PPA1: variants seen among roughly 807,000 people sequenced by gnomAD.
The protein encoded by PPA1 is inorganic pyrophosphatase.
In PPA1, 23 loss-of-function variants were observed where a neutral mutation model predicts 41.8. The ratio of observed to expected loss-of-function variants is 0.55; its 90% CI spans 0.40 to 0.78. PPA1 has a LOEUF of 0.78. Ranked by LOEUF, PPA1 falls within the 30% of genes least tolerant of loss-of-function variation. The probability of loss-of-function intolerance (pLI) is 0.00; values close to 1 mark genes in which losing one functional copy is unlikely to be tolerated. For synonymous variants in PPA1, 101 were observed against 116.8 expected (o/e 0.86, Z 0.87); for missense variants, 320 against 361.6 (o/e 0.89, Z 0.93).
intron 6 of PPA1, among the ~76,000 whole-genome samples, chr10:70,212,975 GCA>G (rs1051938928): frequency 1.3e-5 from 2 of 152,106 alleles, no homozygotes; most frequent in African/African-American, 4.8e-5. Context: ...AAATCCATAG[GCA>G]CAAAGTAGAT....
chr10:70,210,875 C>T (rs1840010313), intron 6 of PPA1, among the ~76,000 whole-genome samples: 1 of 151,850 alleles, frequency 6.6e-6, no homozygotes, highest in African/African-American at 2.4e-5. Flanking sequence ...ACGCCATTCT[C>T]CTGCCTCAGC....
chr10:70,212,349 C>A (rs770153624), intron 6 of PPA1, among the ~76,000 whole-genome samples: 17 of 151,936 alleles, frequency 1.1e-4, no homozygotes, highest in Non-Finnish European at 1.8e-4. Context: ...ATGTATGTAC[C>A]CAATAATAAA....
At chr10:70,223,103 G>A (rs924853751) in intron 2 of PPA1, among the ~76,000 whole-genome samples, 1 of 152,086 alleles carries the variant, frequency 6.6e-6, no homozygotes, top group Admixed American at 6.6e-5. Flanking sequence ...GGCGACTAAC[G>A]TCTATAATCC....
At chr10:70,215,250 G>GT (rs1188793757) in intron 4 of PPA1, among the ~76,000 whole-genome samples, 1 of 151,924 alleles carries the variant, frequency 6.6e-6, no homozygotes, top group Non-Finnish European at 1.5e-5. Context: ...AAAATGTGTG[G>GT]TTTTTTTCTT....
intron 2 of PPA1, among the ~76,000 whole-genome samples, chr10:70,225,300 C>G (rs1840216834): frequency 6.6e-6 from 1 of 152,106 alleles, no homozygotes; most frequent in African/African-American, 2.4e-5. Flanking sequence ...TCACTGCAAC[C>G]TCCGTCTCCG....
At chr10:70,208,947 C>T (rs1317143801) in intron 8 of PPA1, among the ~76,000 whole-genome samples, 1 of 152,038 alleles carries the variant, frequency 6.6e-6, no homozygotes, top group African/African-American at 2.4e-5. Flanking sequence ...GTATGTACCA[C>T]CATGCCCAGC....
At position 70,209,231 on chromosome 10, in the gene PPA1, C is replaced by T; in HGVS notation, c.699G>A (p.Lys233=). 1.2e-6 allele frequency: 2 copies of T among 1,602,854 alleles called. No homozygotes were observed. Among genetic ancestry groups the T allele is most frequent in the East Asian group, 4.5e-5 (2 of 44,806 alleles). ...AACTGATTCCTTTTCCATTCGTTTT[C>T]TTAGTCACTAATGCTTTCCAATGGT... is the stretch of plus-strand genomic sequence containing the variant. ...THDHWKALVT[K]KTNGKGISCM... The change falls in exon 8 of 11, where the codon AAG becomes AAA. Residue 233 remains lysine (K), a synonymous_variant. Transcript: ENST00000373232.
chr10:70,215,473 T>C (rs1287301577), intron 4 of PPA1, among the ~76,000 whole-genome samples: 1 of 151,866 alleles, frequency 6.6e-6, no homozygotes, highest in East Asian at 1.9e-4. Context: ...CTTCTTCCTT[T>C]TTTTTCTTTT....
At chr10:70,221,055 AATTTATATATATATATATATATTT>A (rs1840157097) in intron 2 of PPA1, among the ~76,000 whole-genome samples, 1 of 41,668 alleles carries the variant, frequency 2.4e-5, no homozygotes, top group Non-Finnish European at 3.4e-5. Context: ...ATATATATAT[AATTTATATATATATATATATATTT>A]TTTTTTTTTT....
chr10:70,218,654 C>T, intron 3 of PPA1, 110 bp downstream of exon 3: 1 of 832,338 alleles, frequency 1.2e-6, no homozygotes, highest in Non-Finnish European at 2.0e-6. Context: ...TAGACTGGGA[C>T]CAGACAGAGA....
In PPA1 at chr10:70,204,861, T is replaced by C. The variant is rs768591216; in HGVS notation, c.838+12A>G. 2.5e-6 allele frequency: 4 copies of C among 1,575,928 alleles called. No individual in the cohort carries two copies. Among genetic ancestry groups the C allele is most frequent in the Non-Finnish European group, 3.5e-6 (4 of 1,155,790 alleles). ...AATGTTTAATGAAATTTTACTGGAA[T>C]AGAAATCTTACCGTCTGTTGGTACT... On this transcript the variant is annotated intron_variant, in intron 10 of 10. Transcript: ENST00000373232.
chr10:70,233,352 C>G lies in PPA1; in HGVS notation c.-25G>C, dbSNP rs1244242806. The G allele has an allele frequency of 1.3e-6, 2 of 1,532,704 alleles. No individual in the cohort carries two copies. The highest frequency in any genetic ancestry group is 1.8e-6 in the Non-Finnish European group (2 of 1,142,096). The allele number at this position is 1,532,704 out of a possible 1,614,324, so 94.9% of individuals were successfully genotyped here. On this transcript the variant is annotated 5_prime_UTR_variant, in exon 1 of 11. Coordinates refer to ENST00000373232, the MANE Select transcript of PPA1 (RefSeq NM_021129.4). ...TAGTGCCGGAGTCCTGCCGCCGCCG[C>G]TGCCACAGAGCCACCAGCCCGCACG... is the stretch of plus-strand genomic sequence containing the variant.
At chr10:70,226,671 G>A (rs1840233641) in intron 2 of PPA1, among the ~76,000 whole-genome samples, 1 of 151,990 alleles carries the variant, frequency 6.6e-6, no homozygotes, top group Non-Finnish European at 1.5e-5. Context: ...TTATTTTCCT[G>A]TCTTTACAAA....
At chr10:70,211,178 T>A (rs991146625) in intron 6 of PPA1, among the ~76,000 whole-genome samples, 1 of 152,210 alleles carries the variant, frequency 6.6e-6, no homozygotes, top group African/African-American at 2.4e-5. Flanking sequence ...CACTAGTAAA[T>A]TTCAAAGAAC....
chr10:70,224,286 T>C (rs12769647), intron 2 of PPA1, among the ~76,000 whole-genome samples: 2 of 150,348 alleles, frequency 1.3e-5, no homozygotes, highest in African/African-American at 4.9e-5. Context: ...CCTTCCCAGA[T>C]TTACAATCAT....
intron 9 of PPA1, chr10:70,205,143 G>A (rs560173686): frequency 8.1e-4 from 250 of 308,088 alleles, no homozygotes; most frequent in African/African-American, 4.9e-3. Flanking sequence ...CCAACACTTC[G>A]GGAGGCTGAA....
rs1564584073 is a variant in PPA1, at chr10:70,220,638, A to ATAATTTATATATAT, written c.124-1822_124-1821insATATATATAAATTA. Among the ~76,000 whole-genome samples the ATAATTTATATATAT allele has an allele frequency of 1.5e-3, 13 of 8,718 alleles. 3 individuals are homozygous for ATAATTTATATATAT. Among genetic ancestry groups the ATAATTTATATATAT allele is most frequent in the Non-Finnish European group, 1.9e-3 (10 of 5,362 alleles). 5.7% of individuals were successfully genotyped at this position (8,718 alleles called of 152,430 possible). On this transcript the variant is annotated intron_variant, in intron 2 of 10. Transcript: ENST00000373232. Reference sequence around the variant, plus strand: ...TATATATAATTTATATATATATAATATATATAATTTATATATATATTATAT... The same window carrying ATAATTTATATATAT: ...TATATATAATTTATATATATATAATATAATTTATATATATTATATAATTTATATATATATTATAT...
At chr10:70,226,774 G>A (rs1386041137) in intron 2 of PPA1, among the ~76,000 whole-genome samples, 1 of 152,070 alleles carries the variant, frequency 6.6e-6, no homozygotes, top group Non-Finnish European at 1.5e-5. Flanking sequence ...CAAGAAAAAT[G>A]CATTTATGCC....
chr10:70,232,528 T>C (rs909839569), intron 1 of PPA1, among the ~76,000 whole-genome samples: 7 of 152,136 alleles, frequency 4.6e-5, no homozygotes, highest in Non-Finnish European at 8.8e-5. Flanking sequence ...GGACCCGGGG[T>C]AGGTACCCCC....
Sources: gnomAD v4.1 joint callset for allele counts (sites outside exome capture counted in the v4.1 genomes callset) on GRCh38, gnomAD v4.1.1 for gene constraint, MANE v1.5 for transcripts, NCBI Gene and HGNC (gene_info 2026-07-23, HGNC 2026-07-21) for gene names.